Variants in CFAP20DC observed in about 807,000 individuals in gnomAD.
CFAP20DC encodes the protein CFAP20 domain containing, also known as protein CFAP20DC.
A neutral mutation model predicts 101.7 loss-of-function variants in CFAP20DC; 84 were observed. The ratio of observed to expected loss-of-function variants is 0.83; its 90% CI spans 0.69 to 0.99. CFAP20DC has a LOEUF of 0.99. CFAP20DC is among the 50% of genes least tolerant of loss of function. The pLI is 0.00. For synonymous variants in CFAP20DC, 359 were observed against 351.2 expected, an observed-to-expected ratio of 1.02 and a Z score of -0.25; for missense variants, 1,007 against 970.3, an observed-to-expected ratio of 1.04 and a Z score of -0.50.
chr3:59,036,638 T>C (rs540788375), intron 4 of CFAP20DC, among the ~76,000 whole-genome samples: 5 of 152,094 alleles, frequency 3.3e-5, no homozygotes. Flanking sequence ...CTCAAGGAAA[T>C]AAGAGAGGAC....
At chr3:58,769,279 G>T (rs1277219559) in intron 15 of CFAP20DC, among the ~76,000 whole-genome samples, 1 of 152,176 alleles carries the variant, frequency 6.6e-6, no homozygotes. Flanking sequence ...CATTGATGTA[G>T]TTTATGTCTA....
chr3:58,809,073 G>C (rs979846998), intron 14 of CFAP20DC, among the ~76,000 whole-genome samples: 2 of 152,004 alleles, frequency 1.3e-5, no homozygotes, highest in Non-Finnish European at 1.5e-5. Context: ...AGCAAGTCCT[G>C]AGTGACCTAC....
intron 4 of CFAP20DC, among the ~76,000 whole-genome samples, chr3:59,031,319 T>C (rs1030305525): frequency 2.6e-5 from 4 of 152,164 alleles, no homozygotes; most frequent in African/African-American, 9.7e-5. Flanking sequence ...CCCTCACCAC[T>C]GCTTCTGATA....
At chr3:58,792,709 T>C (rs528232822) in intron 15 of CFAP20DC, among the ~76,000 whole-genome samples, 1 of 151,604 alleles carries the variant, frequency 6.6e-6, no homozygotes, top group African/African-American at 2.4e-5. Flanking sequence ...TGTGACAAAA[T>C]ATAGTTGTTT....
chr3:58,870,263 A>AT lies in CFAP20DC; in HGVS notation c.761dup (p.Asn254LysfsTer25), dbSNP rs2080041143. 6.2e-7 allele frequency: 1 copy of AT among 1,613,968 alleles called. No homozygotes were observed. The highest frequency in any genetic ancestry group is 8.5e-7 in the Non-Finnish European group (1 of 1,179,928). On this transcript the variant is annotated frameshift_variant, in exon 8 of 17. Transcript: ENST00000482387. LOFTEE classifies it high-confidence loss of function. ...CAAATGCGATATGACAAACATCTTG[A>AT]TTTTTACTGTTCCGTGTAATACTTG... is the stretch of plus-strand genomic sequence containing the variant.
At chr3:59,037,056 A>G (rs2094117389) in intron 4 of CFAP20DC, among the ~76,000 whole-genome samples, 1 of 152,044 alleles carries the variant, frequency 6.6e-6, no homozygotes. Flanking sequence ...TAATAAATGG[A>G]GTTGGGAAAC....
rs201804120 is a variant in CFAP20DC, at chr3:58,806,448, G to C, written c.2184C>G (p.Asn728Lys). 1 of 1,611,736 alleles carries C rather than the reference G, an allele frequency of 6.2e-7. No individual in the cohort carries two copies. Among genetic ancestry groups the C allele is most frequent in the East Asian group, 2.2e-5 (1 of 44,866 alleles). Residue 728 changes from asparagine (N) to lysine (K), a missense_variant, in exon 15 of 17, where the codon AAC (asparagine) becomes AAG (lysine). Physicochemically the swap from Asn to Lys is moderately conservative, Grantham distance 94 (BLOSUM62 0). Transcript: ENST00000482387. ...TWNSCLPPPV[N>K]QGRHYQKEMN... ...TTTCTTTCTGATAGTGGCGACCCTG[G>C]TTGACAGGCTGGAAAAGACAAAACA...
intron 4 of CFAP20DC, among the ~76,000 whole-genome samples, chr3:58,960,017 G>A (rs1274944860): frequency 6.6e-6 from 1 of 152,080 alleles, no homozygotes; most frequent in Non-Finnish European, 1.5e-5. Flanking sequence ...TGCCTTTCAA[G>A]GAATTTTTCC....
In CFAP20DC at chr3:58,760,411, C is replaced by T. The variant is rs558257025; in HGVS notation, c.2238-6548G>A. Among the ~76,000 whole-genome samples the T allele has an allele frequency of 3.5e-4, 54 of 152,194 alleles. No homozygotes were observed. The South Asian group carries it at 1.0e-2, about 28-fold the overall frequency. On this transcript the variant is annotated intron_variant, in intron 15 of 16. Transcript: ENST00000482387. ...TATCCTGAGACTTTGCTGAAGTTGCCTATCAGCTTAAGGAGATTTTGGGCT... is the reference window on the plus strand; with the variant it reads ...TATCCTGAGACTTTGCTGAAGTTGCTTATCAGCTTAAGGAGATTTTGGGCT...
At chr3:58,798,899 T>A (rs1029738445) in intron 15 of CFAP20DC, among the ~76,000 whole-genome samples, 1 of 152,216 alleles carries the variant, frequency 6.6e-6, no homozygotes, top group Non-Finnish European at 1.5e-5. Context: ...AATTAAGGCA[T>A]GTATATTGTT....
intron 14 of CFAP20DC, among the ~76,000 whole-genome samples, chr3:58,826,258 T>C (rs892707971): frequency 3.3e-5 from 5 of 152,224 alleles, no homozygotes; most frequent in African/African-American, 4.8e-5. Flanking sequence ...GCAAAGCTGA[T>C]GTTTATTTTG....
chr3:58,834,351 T>C (rs181589941), intron 13 of CFAP20DC, among the ~76,000 whole-genome samples: 1 of 152,220 alleles, frequency 6.6e-6, no homozygotes, highest in Non-Finnish European at 1.5e-5. Flanking sequence ...ATGTGTCACA[T>C]AGGTATGTTA....
chr3:58,948,745 A>G (rs1385376673), intron 4 of CFAP20DC, among the ~76,000 whole-genome samples: 2 of 152,172 alleles, frequency 1.3e-5, no homozygotes, highest in Non-Finnish European at 2.9e-5. Context: ...TTGGTCTAAA[A>G]TTCTCTTTTT....
intron 6 of CFAP20DC, among the ~76,000 whole-genome samples, chr3:58,885,589 A>G (rs886108839): frequency 6.6e-6 from 1 of 150,688 alleles, no homozygotes; most frequent in Non-Finnish European, 1.5e-5. Context: ...TGTATTCTTT[A>G]ATACATCTTT....
intron 4 of CFAP20DC, among the ~76,000 whole-genome samples, chr3:58,955,487 C>G (rs2090544934): frequency 6.6e-6 from 1 of 152,130 alleles, no homozygotes; most frequent in African/African-American, 2.4e-5. Context: ...CCAAACTCAG[C>G]TGATGCCCAC....
At chr3:58,832,137 T>C (rs908881133) in intron 13 of CFAP20DC, among the ~76,000 whole-genome samples, 6 of 152,162 alleles carry the variant, frequency 3.9e-5, no homozygotes, top group African/African-American at 1.2e-4. Flanking sequence ...CCTGTGCACA[T>C]GCAAGTCCCC....
intron 5 of CFAP20DC, among the ~76,000 whole-genome samples, chr3:58,924,319 G>A (rs1488525913): frequency 6.6e-6 from 1 of 152,118 alleles, no homozygotes; most frequent in Non-Finnish European, 1.5e-5. Context: ...CCATTTATGA[G>A]TAAGAATGCA....
chr3:59,045,288 A>G (rs17643225), intron 3 of CFAP20DC, among the ~76,000 whole-genome samples: 29,227 of 151,966 alleles, frequency 0.19, 2,883 homozygotes, highest in African/African-American at 0.22. Flanking sequence ...TGATAAAATC[A>G]GGTACCAACA....
chr3:58,781,767 A>G (rs2071850747), intron 15 of CFAP20DC, among the ~76,000 whole-genome samples: 1 of 152,122 alleles, frequency 6.6e-6, no homozygotes, highest in African/African-American at 2.4e-5. Context: ...AACAATAACA[A>G]GTTATGAGAC....
Sources: allele counts gnomAD v4.1 joint callset (sites outside exome capture counted in the v4.1 genomes callset), GRCh38; gene constraint gnomAD v4.1.1; transcripts MANE v1.5; gene names NCBI Gene and HGNC (gene_info 2026-07-23, HGNC 2026-07-21).